SNX19: variants seen among roughly 807,000 people sequenced by gnomAD.
SNX19 encodes the protein sorting nexin 19.
A neutral mutation model predicts 85.2 loss-of-function variants in SNX19; 60 were observed. The ratio of observed to expected loss-of-function variants is 0.70; its 90% confidence interval spans 0.57 to 0.87. The LOEUF is 0.87. SNX19 is among the 40% of genes least tolerant of loss of function. SNX19 has a pLI of 0.00. For synonymous variants in SNX19, 520 were observed against 470.0 expected, an observed-to-expected ratio of 1.11 and a Z score of -1.38; for missense variants, 1,201 against 1,217.8, an observed-to-expected ratio of 0.99 and a Z score of 0.21.
intron 8 of SNX19, among the ~76,000 whole-genome samples, chr11:130,892,304 G>A (rs1944556692): frequency 6.6e-6 from 1 of 151,894 alleles, no homozygotes; most frequent in African/African-American, 2.4e-5. Flanking sequence ...GCGACAGACA[G>A]GTTTGAACCT....
At chr11:130,893,585 CATCT>C (rs1230873631) in intron 8 of SNX19, among the ~76,000 whole-genome samples, 1 of 152,084 alleles carries the variant, frequency 6.6e-6, no homozygotes, top group African/African-American at 2.4e-5. Flanking sequence ...AGTAGAAGGC[CATCT>C]ATCCCGTTAT....
chr11:130,912,587 G>A (rs1480366443), intron 1 of SNX19, among the ~76,000 whole-genome samples: 1 of 152,184 alleles, frequency 6.6e-6, no homozygotes, highest in African/African-American at 2.4e-5. Context: ...TTATTTTTCG[G>A]TTGAGGTATA....
chr11:130,891,805 A>G (rs1454160623), intron 8 of SNX19, among the ~76,000 whole-genome samples: 2 of 151,338 alleles, frequency 1.3e-5, no homozygotes, highest in African/African-American at 4.8e-5. Flanking sequence ...TCTATATTTG[A>G]GTATTGTGAC....
chr11:130,888,285 A>G (rs1475717120), intron 8 of SNX19, among the ~76,000 whole-genome samples: 2 of 152,170 alleles, frequency 1.3e-5, no homozygotes, highest in Admixed American at 6.5e-5. Flanking sequence ...TAAGATTAGA[A>G]TTACTTGCAA....
intron 8 of SNX19, 79 bp from the exon 9 acceptor site, chr11:130,880,885 T>G (rs1358717423): frequency 3.9e-5 from 48 of 1,222,618 alleles, no homozygotes; most frequent in Non-Finnish European, 4.6e-5. Context: ...CTGTTTATGT[T>G]CCCCTGCAGA....
chr11:130,879,352 G>A (rs1308175612), intron 10 of SNX19, among the ~76,000 whole-genome samples: 1 of 152,138 alleles, frequency 6.6e-6, no homozygotes, highest in Admixed American at 6.5e-5. Flanking sequence ...CAGCTCATGT[G>A]GGGGCCTGCA....
At chr11:130,907,763 T>G (rs1945781219) in intron 5 of SNX19, among the ~76,000 whole-genome samples, 190 bp downstream of exon 5, 1 of 152,206 alleles carries the variant, frequency 6.6e-6, no homozygotes, top group South Asian at 2.1e-4. Flanking sequence ...TCAGCAGTGC[T>G]GCCTCTGCAG....
chr11:130,914,624 G>A lies in SNX19; in HGVS notation c.1316C>T (p.Ser439Phe), dbSNP rs766245646. The change falls in exon 1 of 11, where the codon TCC becomes TTC. Residue 439 changes from serine to phenylalanine, a missense_variant. By Grantham distance (155) the Ser-to-Phe change is radical. Transcript: ENST00000265909. ...GTETETGLPV[S>F]TLNSCPEIHI... ...GATCTCTGGGCAGGAATTCAGTGTG[G>A]AGACCGGCAGGCCTGTCTCTGTTTC... The A allele has an allele frequency of 2.3e-5, 37 of 1,613,804 alleles. 1 individual carries two copies. In the East Asian group the frequency reaches 6.9e-4, roughly 30 times the overall value.
rs1386329420 is a variant in SNX19 at position 130,878,348 on chromosome 11, C to T, written c.*74G>A. The T allele has an allele frequency of 7.8e-6, 12 of 1,543,628 alleles. No individual in the cohort carries two copies. The East Asian group carries it at 1.4e-4, about 17-fold the overall frequency. On this transcript the variant is annotated 3_prime_UTR_variant, in exon 11 of 11. Transcript: ENST00000265909. The stretch of plus-strand genomic sequence containing the variant: ...AGCTGTAGCCTACTTGAAGAGGGCA[C>T]GGGCTTCCTGACTGGTCTCTGGTGG...
In SNX19 at chr11:130,877,742, A is replaced by T. The variant is rs1412073962; in HGVS notation, c.*680T>A. ...GGGTGGATTTACCAGAAGCTTTGGCAGTCAGCTTTGAAGTCTTCTGGAAAG... is the reference window on the plus strand; with the variant it reads ...GGGTGGATTTACCAGAAGCTTTGGCTGTCAGCTTTGAAGTCTTCTGGAAAG... On this transcript the variant is annotated 3_prime_UTR_variant, in exon 11 of 11. Coordinates refer to ENST00000265909, the MANE Select transcript of SNX19 (RefSeq NM_014758.3). 6.5e-6 allele frequency: 1 copy of T among 152,690 alleles called. No homozygotes were observed. The highest frequency in any genetic ancestry group is 2.4e-5 in the African/African-American group (1 of 41,474). The allele number at this position is 152,690 out of a possible 1,614,324, so 9.5% of individuals were successfully genotyped here.
intron 8 of SNX19, among the ~76,000 whole-genome samples, chr11:130,895,922 C>A (rs1944847461): frequency 6.6e-6 from 1 of 152,178 alleles, no homozygotes; most frequent in African/African-American, 2.4e-5. Flanking sequence ...ACTGCTAGGG[C>A]CCATCCTGGC....
intron 8 of SNX19, among the ~76,000 whole-genome samples, chr11:130,901,179 A>G (rs991695919): frequency 1.2e-4 from 19 of 152,232 alleles, no homozygotes; most frequent in African/African-American, 4.3e-4. Context: ...GGCATCCCAC[A>G]TCTCCTTCCC....
intron 8 of SNX19, among the ~76,000 whole-genome samples, chr11:130,882,593 T>C (rs1345437029): frequency 6.6e-6 from 1 of 152,148 alleles, no homozygotes; most frequent in African/African-American, 2.4e-5. Context: ...GCCAACACGA[T>C]CGTATTTGTT....
chr11:130,900,310 A>G (rs1247687603), intron 8 of SNX19, among the ~76,000 whole-genome samples: 1 of 152,174 alleles, frequency 6.6e-6, no homozygotes, highest in African/African-American at 2.4e-5. Context: ...CATCTCACTG[A>G]TATTTCATAT....
At position 130,875,102 on chromosome 11, in the gene SNX19, G is replaced by A. The variant is rs752919404; in HGVS notation, c.*3320C>T. On this transcript the variant is annotated 3_prime_UTR_variant, in exon 11 of 11. Transcript: ENST00000265909. Reference sequence around the variant, plus strand: ...GCATTGTTTTCAACAATCAAGGCGCGGAGCCAACCTAAATGTCCCTCAATG... The same window carrying A: ...GCATTGTTTTCAACAATCAAGGCGCAGAGCCAACCTAAATGTCCCTCAATG... Among the ~76,000 whole-genome samples the A allele has an allele frequency of 2.0e-5, 3 of 152,186 alleles. No individual in the cohort carries two copies. The highest frequency in any genetic ancestry group is 2.9e-5 in the Non-Finnish European group (2 of 68,044).
Position 130,915,294 on chromosome 11 carries a change from C to T in SNX19, c.646G>A (p.Val216Met). Reference sequence around the variant, plus strand: ...ACCAGCCCTTGAAGCAACAAATTCACAACGCCACGCGTATAGGTGACTTCA... The same window carrying T: ...ACCAGCCCTTGAAGCAACAAATTCATAACGCCACGCGTATAGGTGACTTCA... ...SAEVTYTRGV[V>M]NLLLQGLVPK... is the part of the protein sequence containing the mutation. The change falls in exon 1 of 11, where the codon GTG becomes ATG. Residue 216 changes from valine (V) to methionine (M), a missense_variant. Around this residue, in one of 3 missense-constraint regions of SNX19, gnomAD observed 791 missense variants for 750.9 expected, o/e 1.05. Transcript: ENST00000265909. 1 of 1,614,238 alleles carries T rather than the reference C, an allele frequency of 6.2e-7. No homozygotes were observed. The highest frequency in any genetic ancestry group is 8.5e-7 in the Non-Finnish European group (1 of 1,180,032).
intron 5 of SNX19, 145 bp from the exon 6 acceptor site, chr11:130,906,866 A>G: frequency 1.6e-6 from 1 of 641,066 alleles, no homozygotes; most frequent in South Asian, 1.9e-5. Flanking sequence ...CTGCCAGGAA[A>G]GACTCGGCCC....
Position 130,908,027 on chromosome 11 carries a change from G to C in SNX19, c.2091C>G (p.Pro697=). Residue 697 remains proline, a synonymous_variant, in exon 5 of 11, where the codon CCC becomes CCG. Transcript: ENST00000265909. ...CACTCAGCTCCTCTGTGGGGCTCTG[G>C]GGTTCAGAGCGAGGAAACGCTGTCT... The part of the protein sequence containing the change: ...TLKTAFPRSE[P]QSPTEELSEA... 6.2e-7 allele frequency: 1 copy of C among 1,614,126 alleles called. No homozygotes were observed. The highest frequency in any genetic ancestry group is 8.5e-7 in the Non-Finnish European group (1 of 1,180,022).
rs771106771 is a variant in SNX19, at chr11:130,908,008, G to A, written c.2110C>T (p.Leu704=). ...TTGCTTTCGGTCTCGGCCTCACTCA[G>A]CTCCTCTGTGGGGCTCTGGGGTTCA... ...RSEPQSPTEE[L]SEAETESKPQ... Residue 704 remains leucine (L), a synonymous_variant, in exon 5 of 11, where the codon CTG becomes TTG. Coordinates refer to ENST00000265909, the MANE Select transcript of SNX19 (RefSeq NM_014758.3). 1 of 1,614,166 alleles carries A rather than the reference G, an allele frequency of 6.2e-7. No individual in the cohort carries two copies. The highest frequency in any genetic ancestry group is 8.5e-7 in the Non-Finnish European group (1 of 1,180,032).
Sources: gnomAD v4.1 joint callset for allele counts (sites outside exome capture counted in the v4.1 genomes callset) on GRCh38, gnomAD v4.1.1 for gene constraint, gnomAD v4.1.1 regional missense constraint, MANE v1.5 for transcripts, NCBI Gene and HGNC (gene_info 2026-07-23, HGNC 2026-07-21) for gene names.